The following CTBP2 variants were observed in gnomAD, a reference collection of about 807,000 sequenced individuals.
CTBP2 encodes C-terminal-binding protein 2.
In CTBP2, 30 loss-of-function variants were observed where a neutral mutation model predicts 80.3. The ratio of observed to expected loss-of-function variants is 0.37; its 90% CI spans 0.28 to 0.51. The LOEUF (loss-of-function observed/expected upper bound fraction) is 0.51, where lower values mean the gene tolerates loss of function less well. Ranked by LOEUF, CTBP2 falls within the 20% of genes least tolerant of loss-of-function variation. CTBP2 has a pLI of 0.93. For missense variants in CTBP2, 1,212 were observed against 1,375.3 expected, an observed-to-expected ratio of 0.88 and a Z score of 1.88; for synonymous variants, 594 against 587.4, an observed-to-expected ratio of 1.01 and a Z score of -0.16.
chr10:125,146,574 C>T (rs1306465961), intron 1 of CTBP2, among the ~76,000 whole-genome samples: 1 of 152,178 alleles, frequency 6.6e-6, no homozygotes, highest in Non-Finnish European at 1.5e-5. Context: ...TGAGCCACCC[C>T]ACCTGGCCTC....
chr10:125,007,820 G>A (rs905544556), intron 1 of CTBP2, among the ~76,000 whole-genome samples: 1 of 152,164 alleles, frequency 6.6e-6, no homozygotes, highest in African/African-American at 2.4e-5. Flanking sequence ...TGATCTAAAT[G>A]GGTTTCTGTT....
At chr10:125,017,141 C>T (rs1956577956) in intron 1 of CTBP2, among the ~76,000 whole-genome samples, 1 of 152,200 alleles carries the variant, frequency 6.6e-6, no homozygotes, top group African/African-American at 2.4e-5. Flanking sequence ...TGTATCCAGC[C>T]AAAGTGCAAG....
intron 2 of CTBP2, among the ~76,000 whole-genome samples, chr10:125,068,357 T>A (rs993931996): frequency 1.3e-5 from 2 of 152,366 alleles, no homozygotes; most frequent in African/African-American, 4.8e-5. Context: ...GGGAGTTATA[T>A]AAACCAAAAG....
chr10:125,010,534 G>A (rs556109329), intron 1 of CTBP2, among the ~76,000 whole-genome samples: 28 of 152,306 alleles, frequency 1.8e-4, no homozygotes, highest in African/African-American at 4.1e-4. Context: ...CAATGCAAAT[G>A]CGCAACCCTT....
At chr10:125,107,229 C>T (rs888452264) in intron 2 of CTBP2, among the ~76,000 whole-genome samples, 37 of 152,262 alleles carry the variant, frequency 2.4e-4, no homozygotes, top group African/African-American at 8.9e-4. Context: ...GACTGTTTCT[C>T]ACCTAGAGAA....
intron 1 of CTBP2, among the ~76,000 whole-genome samples, chr10:125,118,046 A>G (rs1311351607): frequency 6.6e-6 from 1 of 152,270 alleles, no homozygotes; most frequent in Admixed American, 6.5e-5. Flanking sequence ...CCAACAGCCA[A>G]GATTTTAGAA....
chr10:125,066,479 C>T lies in CTBP2; in HGVS notation c.-101-27324G>A, dbSNP rs1236564648. 1.3e-5 allele frequency among the ~76,000 whole-genome samples: 2 copies of T among 152,186 alleles called. No individual in the cohort carries two copies. The highest frequency in any genetic ancestry group is 4.8e-5 in the African/African-American group (2 of 41,454). On this transcript the variant is annotated intron_variant, in intron 2 of 10. Coordinates refer to the CTBP2 transcript ENST00000337195. The surrounding 1 kb of genome is among the most constrained non-coding windows in gnomAD (Gnocchi z 4.1). ...ATGTAACGGGGGAAGCAGGCACGGCCAAGCACCCTAGAAAGTGCTGTCATG... is the reference window on the plus strand; with the variant it reads ...ATGTAACGGGGGAAGCAGGCACGGCTAAGCACCCTAGAAAGTGCTGTCATG...
chr10:125,155,446 C>T (rs998898072), intron 1 of CTBP2, among the ~76,000 whole-genome samples: 2 of 151,872 alleles, frequency 1.3e-5, no homozygotes, highest in Admixed American at 1.3e-4. Flanking sequence ...TTTTCACAGG[C>T]GAAGTTCTGA....
At chr10:125,038,520 T>C (rs1388030117) in intron 3 of CTBP2, among the ~76,000 whole-genome samples, 1 of 152,172 alleles carries the variant, frequency 6.6e-6, no homozygotes, top group African/African-American at 2.4e-5. Flanking sequence ...TTTCCTTTCA[T>C]GAACAGAACA....
chr10:125,132,642 C>A (rs1044342012), intron 1 of CTBP2, among the ~76,000 whole-genome samples: 5 of 152,124 alleles, frequency 3.3e-5, no homozygotes, highest in Non-Finnish European at 7.3e-5. Context: ...TTCGCACATC[C>A]GTACAGACTG....
chr10:125,077,953 G>A (rs971807049), intron 2 of CTBP2, among the ~76,000 whole-genome samples: 4 of 152,128 alleles, frequency 2.6e-5, no homozygotes, highest in African/African-American at 9.7e-5. Flanking sequence ...GGGAGGTGGG[G>A]GCTGCTCTGA....
chr10:125,104,268 A>G (rs1851107024), intron 2 of CTBP2, among the ~76,000 whole-genome samples: 1 of 152,164 alleles, frequency 6.6e-6, no homozygotes, highest in Non-Finnish European at 1.5e-5. Context: ...TTTATAAAGA[A>G]ACGGAAATTA....
In CTBP2 at chr10:125,026,321, T is replaced by C. The variant is rs887764283; in HGVS notation, c.1439A>G (p.Tyr480Cys). The C allele has an allele frequency of 1.9e-6, 3 of 1,613,598 alleles. No homozygotes were observed. Among genetic ancestry groups the C allele is most frequent in the African/African-American group, 2.7e-5 (2 of 74,858 alleles). Residue 480 changes from tyrosine (Y) to cysteine (C), a missense_variant, in exon 1 of 9, where the codon TAC (tyrosine) becomes TGC (cysteine). Tyr to Cys is a radical substitution (Grantham distance 194). Coordinates refer to ENST00000309035, the MANE Select transcript of CTBP2 (RefSeq NM_022802.3). ...CATGGGCACCGTGTATGCCGTGGAG[T>C]AGGCTGTTCTGGGGCCTGGGTGAAG...
chr10:125,105,575 A>T (rs907391680), intron 2 of CTBP2, among the ~76,000 whole-genome samples: 1 of 152,186 alleles, frequency 6.6e-6, no homozygotes, highest in African/African-American at 2.4e-5. Context: ...GTTGAAACTA[A>T]TGCCCCTTTA....
rs142763865 is a variant in CTBP2 at position 125,091,313 on chromosome 10, C to T, written c.-102+19677G>A. On this transcript the variant is annotated intron_variant, in intron 2 of 10. Coordinates refer to the CTBP2 transcript ENST00000337195. ...GACACCCTCCGTATGCTCAGATGCACTTGTACGTCCTGGTAAAGGCAAGGA... is the reference window on the plus strand; with the variant it reads ...GACACCCTCCGTATGCTCAGATGCATTTGTACGTCCTGGTAAAGGCAAGGA... Among the ~76,000 whole-genome samples the T allele has an allele frequency of 7.4e-3, 1,122 of 152,264 alleles. 3 individuals carry two copies. Among genetic ancestry groups the T allele is most frequent in the Non-Finnish European group, 0.011 (716 of 68,024 alleles).
chr10:125,124,899 T>C (rs1854965847), intron 1 of CTBP2, among the ~76,000 whole-genome samples: 1 of 152,260 alleles, frequency 6.6e-6, no homozygotes, highest in Non-Finnish European at 1.5e-5. Flanking sequence ...CAGTGCCTTC[T>C]GAATCAAGAA....
intron 2 of CTBP2, among the ~76,000 whole-genome samples, chr10:125,049,178 TACCTG>T (rs2135163507): frequency 6.6e-6 from 1 of 152,114 alleles, no homozygotes; most frequent in African/African-American, 2.4e-5. Context: ...ACTGGCAGGG[TACCTG>T]ACAGTTTCTG....
chr10:125,083,284 A>G (rs1847451879), intron 2 of CTBP2, among the ~76,000 whole-genome samples: 1 of 152,212 alleles, frequency 6.6e-6, no homozygotes, highest in Non-Finnish European at 1.5e-5. Flanking sequence ...AGTCACTCAG[A>G]AAAGCCTCTC....
chr10:124,992,165 C>T (rs1952732945), intron 8 of CTBP2, among the ~76,000 whole-genome samples: 1 of 150,100 alleles, frequency 6.7e-6, no homozygotes, highest in Non-Finnish European at 1.5e-5. Flanking sequence ...CAGGCCTTTG[C>T]ACTTGAACAT....
Sources: gnomAD v4.1 joint callset for allele counts (sites outside exome capture counted in the v4.1 genomes callset) on GRCh38, gnomAD v4.1.1 for gene constraint, Gnocchi (gnomAD v3.1) non-coding constraint, MANE v1.5 for transcripts, NCBI Gene and HGNC (gene_info 2026-07-23, HGNC 2026-07-21) for gene names.